LHFPL6: variants seen among roughly 807,000 people sequenced by gnomAD.
LHFPL6 encodes LHFPL tetraspan subfamily member 6 protein.
In LHFPL6, 9 loss-of-function variants were observed where a neutral mutation model predicts 20.6. The observed-to-expected ratio is 0.44, with a 90% confidence interval of 0.26 to 0.76. LHFPL6 has a LOEUF of 0.76. LHFPL6 is among the 30% of genes least tolerant of loss of function. LHFPL6 has a pLI of 0.20. For missense variants in LHFPL6, 218 were observed against 253.5 expected, an observed-to-expected ratio of 0.86 and a Z score of 0.95; for synonymous variants, 105 against 98.7, an observed-to-expected ratio of 1.06 and a Z score of -0.38.
At chr13:39,396,621 C>T (rs1870849216) in intron 2 of LHFPL6, among the ~76,000 whole-genome samples, 1 of 151,514 alleles carries the variant, frequency 6.6e-6, no homozygotes, top group Non-Finnish European at 1.5e-5. Flanking sequence ...CATGGCAAGA[C>T]ACCATCTCTC....
rs913517524 is a variant in LHFPL6 at position 39,500,267 on chromosome 13, C to T, written c.385+100565G>A. Among the ~76,000 whole-genome samples, 7 of 152,106 alleles carry T rather than the reference C, an allele frequency of 4.6e-5. No homozygotes were observed. In the East Asian group the frequency reaches 1.4e-3, roughly 29 times the overall value. ...CCCAGGCTGGAGTGCAGTGGTGGTG[C>T]AATCACAGCTCACTGCAGCCTCGAC... On this transcript the variant is annotated intron_variant, in intron 2 of 3. Transcript: ENST00000379589.
chr13:39,383,677 C>G (rs924675857), intron 2 of LHFPL6, among the ~76,000 whole-genome samples: 2 of 152,194 alleles, frequency 1.3e-5, no homozygotes, highest in Admixed American at 1.3e-4. Context: ...CTTTAAAGTT[C>G]TTCCTTTTAG....
At chr13:39,395,063 A>G (rs1476600587) in intron 2 of LHFPL6, among the ~76,000 whole-genome samples, 1 of 152,144 alleles carries the variant, frequency 6.6e-6, no homozygotes, top group Admixed American at 6.5e-5. Flanking sequence ...AGAAGTGTCC[A>G]GAGGTGTGAA....
intron 2 of LHFPL6, among the ~76,000 whole-genome samples, chr13:39,437,108 C>A (rs1871978807): frequency 6.6e-6 from 1 of 152,152 alleles, no homozygotes. Flanking sequence ...AGCTGCTGTG[C>A]TTTTATAATC....
intron 2 of LHFPL6, among the ~76,000 whole-genome samples, chr13:39,551,240 C>T (rs1871138178): frequency 6.6e-6 from 1 of 152,080 alleles, no homozygotes; most frequent in Non-Finnish European, 1.5e-5. Flanking sequence ...GAGCATGGTG[C>T]TGGCATCTGA....
intron 2 of LHFPL6, among the ~76,000 whole-genome samples, chr13:39,427,356 A>G (rs1262614655): frequency 5.3e-5 from 8 of 152,222 alleles, no homozygotes; most frequent in African/African-American, 1.9e-4. Context: ...CTTGTTCCTG[A>G]TCATTGGAGA....
intron 2 of LHFPL6, among the ~76,000 whole-genome samples, chr13:39,450,047 G>A (rs1305559577): frequency 6.6e-6 from 1 of 152,102 alleles, no homozygotes; most frequent in Non-Finnish European, 1.5e-5. Context: ...TGTCTTGGAG[G>A]AGAAACTCAT....
chr13:39,370,864 C>T (rs1870147680), intron 3 of LHFPL6, among the ~76,000 whole-genome samples: 1 of 152,170 alleles, frequency 6.6e-6, no homozygotes, highest in East Asian at 1.9e-4. Context: ...CCACTAACAC[C>T]AAGAGCTCAA....
chr13:39,417,014 C>T (rs2138392569), intron 2 of LHFPL6, among the ~76,000 whole-genome samples: 1 of 152,314 alleles, frequency 6.6e-6, no homozygotes, highest in Non-Finnish European at 1.5e-5. Context: ...CCTGCCGATA[C>T]ATTTAGGTTA....
chr13:39,351,615 T>G (rs74044033), intron 3 of LHFPL6, among the ~76,000 whole-genome samples: 17,877 of 152,180 alleles, frequency 0.12, 1,350 homozygotes, highest in South Asian at 0.22. Flanking sequence ...ACTAAATATG[T>G]CCTGGGAATA....
At chr13:39,565,598 T>C (rs1334910059) in intron 2 of LHFPL6, among the ~76,000 whole-genome samples, 1 of 152,264 alleles carries the variant, frequency 6.6e-6, no homozygotes, top group African/African-American at 2.4e-5. Flanking sequence ...CGATCTGTTG[T>C]ACAGTCTGCA....
intron 2 of LHFPL6, among the ~76,000 whole-genome samples, chr13:39,401,133 T>C (rs904090900): frequency 1.3e-5 from 2 of 152,132 alleles, no homozygotes; most frequent in African/African-American, 4.8e-5. Flanking sequence ...ACACACTGAG[T>C]AGTCTAAGTT....
intron 2 of LHFPL6, among the ~76,000 whole-genome samples, chr13:39,594,991 T>C (rs1042239925): frequency 4.6e-5 from 7 of 152,042 alleles, no homozygotes; most frequent in Non-Finnish European, 1.0e-4. Context: ...GGAGGAGGGA[T>C]AGCATTAGGA....
intron 2 of LHFPL6, among the ~76,000 whole-genome samples, chr13:39,515,056 G>A (rs780283466): frequency 1.1e-4 from 16 of 152,196 alleles, no homozygotes; most frequent in African/African-American, 2.4e-4. Flanking sequence ...ATTGAACTGC[G>A]TTCATTGGAT....
chr13:39,482,534 G>C (rs1868562721), intron 2 of LHFPL6, among the ~76,000 whole-genome samples: 1 of 152,152 alleles, frequency 6.6e-6, no homozygotes, highest in African/African-American at 2.4e-5. Context: ...TCAAGAAACT[G>C]ATTGGCATAA....
chr13:39,588,329 T>A (rs1593375648), intron 2 of LHFPL6, among the ~76,000 whole-genome samples: 1 of 152,344 alleles, frequency 6.6e-6, no homozygotes, highest in Non-Finnish European at 1.5e-5. Flanking sequence ...GGGCACTCGA[T>A]AAGTAAATGC....
intron 2 of LHFPL6, among the ~76,000 whole-genome samples, chr13:39,478,728 CT>C (rs150468657): frequency 0.023 from 3,456 of 152,192 alleles, 132 homozygotes; most frequent in African/African-American, 0.078. Flanking sequence ...ACCCCTCTTG[CT>C]TTTGGTCTAT....
chr13:39,386,705 A>G (rs1870571762), intron 2 of LHFPL6, among the ~76,000 whole-genome samples: 1 of 152,206 alleles, frequency 6.6e-6, no homozygotes, highest in Non-Finnish European at 1.5e-5. Context: ...TAATTGAAAC[A>G]TATGTCAACA....
chr13:39,553,796 C>A (rs1005356026), intron 2 of LHFPL6, among the ~76,000 whole-genome samples: 5 of 152,218 alleles, frequency 3.3e-5, no homozygotes, highest in Non-Finnish European at 1.5e-5. Flanking sequence ...ACCTAGCCTG[C>A]TGGATGAACA....
Sources: gnomAD v4.1 joint callset for allele counts (sites outside exome capture counted in the v4.1 genomes callset) on GRCh38, gnomAD v4.1.1 for gene constraint, MANE v1.5 for transcripts, NCBI Gene and HGNC (gene_info 2026-07-23, HGNC 2026-07-21) for gene names.